Variants in SPPL2A observed in about 807,000 individuals in gnomAD.
SPPL2A encodes the protein signal peptide peptidase like 2A, also known as signal peptide peptidase-like 2A.
In SPPL2A, 51 loss-of-function variants were observed where a neutral mutation model predicts 63.8. The ratio of observed to expected loss-of-function variants is 0.80; its 90% CI spans 0.64 to 1.01. The LOEUF is 1.01. Among genes scored for constraint, SPPL2A ranks in the 50% least tolerant of loss-of-function variants. SPPL2A has a pLI of 0.00. For missense variants in SPPL2A, 553 were observed against 622.7 expected, an observed-to-expected ratio of 0.89 and a Z score of 1.19; for synonymous variants, 188 against 205.8, an observed-to-expected ratio of 0.91 and a Z score of 0.74.
intron 1 of SPPL2A, among the ~76,000 whole-genome samples, chr15:50,756,705 G>A (rs1216272044): frequency 1.3e-5 from 2 of 152,090 alleles, no homozygotes; most frequent in South Asian, 2.1e-4. Context: ...GGGCAACATA[G>A]CCAGACCCCA....
chr15:50,718,122 A>G (rs8027091), intron 14 of SPPL2A, among the ~76,000 whole-genome samples: 46,077 of 151,420 alleles, frequency 0.3, 7,513 homozygotes, highest in East Asian at 0.57. Context: ...CAAGGCACCC[A>G]CCACCACACC....
intron 1 of SPPL2A, among the ~76,000 whole-genome samples, chr15:50,760,214 C>T (rs901743554): frequency 6.6e-6 from 1 of 152,016 alleles, no homozygotes; most frequent in Non-Finnish European, 1.5e-5. Flanking sequence ...TACCTTCTCA[C>T]TGTGTCCTCA....
At chr15:50,751,189 T>C (rs1567165492) in intron 1 of SPPL2A, among the ~76,000 whole-genome samples, 3 of 152,244 alleles carry the variant, frequency 2.0e-5, no homozygotes, top group African/African-American at 4.8e-5. Flanking sequence ...AAGAGAAATG[T>C]AGTTTTCATT....
At chr15:50,737,022 T>G (rs1427389366) in intron 6 of SPPL2A, among the ~76,000 whole-genome samples, 1 of 152,050 alleles carries the variant, frequency 6.6e-6, no homozygotes, top group East Asian at 1.9e-4. Flanking sequence ...CAAGTGATTC[T>G]CATGCCTTAG....
At chr15:50,724,271 G>C (rs1021694534) in intron 12 of SPPL2A, among the ~76,000 whole-genome samples, 1 of 152,062 alleles carries the variant, frequency 6.6e-6, no homozygotes, top group Admixed American at 6.6e-5. Flanking sequence ...TTAGTACATA[G>C]GAAGACTAAG....
At chr15:50,725,141 C>G in intron 12 of SPPL2A, 80 bp downstream of exon 12, 1 of 888,520 alleles carries the variant, frequency 1.1e-6, no homozygotes, top group Non-Finnish European at 1.8e-6. Flanking sequence ...GAGTAGGTAA[C>G]TTTTAACAGA....
intron 1 of SPPL2A, among the ~76,000 whole-genome samples, chr15:50,759,696 T>C (rs111496605): frequency 3.3e-5 from 5 of 151,986 alleles, no homozygotes; most frequent in African/African-American, 7.2e-5. Flanking sequence ...TGAGCCGAGA[T>C]TGCGCCACTG....
At chr15:50,719,870 T>C in intron 14 of SPPL2A, 70 bp downstream of exon 14, 1 of 1,206,966 alleles carries the variant, frequency 8.3e-7, no homozygotes, top group Non-Finnish European at 1.2e-6. Flanking sequence ...ACATATAGGC[T>C]GTTCCCACCC....
At chr15:50,721,475 G>C (rs916279544) in intron 13 of SPPL2A, among the ~76,000 whole-genome samples, 1 of 150,466 alleles carries the variant, frequency 6.6e-6, no homozygotes, top group Admixed American at 6.6e-5. Context: ...CTTTCGCCCA[G>C]GCTATAGTGA....
At position 50,736,688 on chromosome 15, in the gene SPPL2A, G is replaced by C; in HGVS notation, c.786C>G (p.Asn262Lys). ...TCTTATGAATTAGTGCAGCAAGACA[G>C]TTGTACAGACTCATTGCTGATGCTA... is the stretch of plus-strand genomic sequence containing the variant. Reference protein sequence around the residue: ...FCIASAMSLYNCLAALIHKIP... With the variant: ...FCIASAMSLYKCLAALIHKIP... Residue 262 changes from asparagine (N) to lysine (K), a missense_variant, in exon 7 of 15, where the codon AAC (asparagine) becomes AAG (lysine). Transcript: ENST00000261854. 6.2e-7 allele frequency: 1 copy of C among 1,610,336 alleles called. No individual in the cohort carries two copies. Among genetic ancestry groups the C allele is most frequent in the Non-Finnish European group, 8.5e-7 (1 of 1,177,026 alleles).
intron 1 of SPPL2A, among the ~76,000 whole-genome samples, chr15:50,753,630 G>A (rs539413168): frequency 1.3e-4 from 20 of 152,156 alleles, no homozygotes; most frequent in Non-Finnish European, 2.4e-4. Context: ...TGATGCAACT[G>A]TTTATACATA....
chr15:50,751,368 C>T (rs1200518046), intron 1 of SPPL2A, among the ~76,000 whole-genome samples: 1 of 152,156 alleles, frequency 6.6e-6, no homozygotes. Context: ...AAGTCACTAA[C>T]GTAACCTACC....
At position 50,706,346 on chromosome 15, in the gene SPPL2A, C is replaced by T. The variant is rs1455103375; in HGVS notation, c.*1454G>A. ...CGGAGCTTGCAGTGAGCCGAGATCC[C>T]GCCACTGCACTCCAGCCTGGGCGAC... On this transcript the variant is annotated 3_prime_UTR_variant, in exon 15 of 15. Coordinates refer to ENST00000261854, the MANE Select transcript of SPPL2A (RefSeq NM_032802.4). 6.9e-6 allele frequency: 1 copy of T among 144,102 alleles called. No homozygotes were observed. The highest frequency in any genetic ancestry group is 1.5e-5 in the Non-Finnish European group (1 of 66,312). The allele number at this position is 144,102 out of a possible 1,614,324, so 8.9% of individuals were successfully genotyped here. A position where few individuals can be genotyped will look rare whatever the true frequency, so the allele number is the denominator to read the frequency against.
intron 5 of SPPL2A, chr15:50,743,337 G>A (rs1002992680): frequency 6.6e-6 from 1 of 152,128 alleles, no homozygotes. Context: ...TGAATTTGTA[G>A]TTTATTATTC....
At chr15:50,736,968 G>T (rs142051031) in intron 6 of SPPL2A, among the ~76,000 whole-genome samples, 2,380 of 151,596 alleles carry the variant, frequency 0.016, 23 homozygotes, top group Non-Finnish European at 0.024. Context: ...CTGGAATGCA[G>T]TGGTGTAATC....
intron 13 of SPPL2A, 133 bp downstream of exon 13, chr15:50,721,990 TG>T (rs2062650700): frequency 1.7e-6 from 1 of 571,920 alleles, no homozygotes; most frequent in Non-Finnish European, 3.1e-6. Flanking sequence ...CTGCCTGCCT[TG>T]GCCCCCAAAG....
chr15:50,737,826 C>A (rs1219032339), intron 6 of SPPL2A, among the ~76,000 whole-genome samples: 1 of 151,920 alleles, frequency 6.6e-6, no homozygotes, highest in Non-Finnish European at 1.5e-5. Context: ...AATCCCAACA[C>A]TATAGGAGGC....
chr15:50,745,434 G>C (rs1031582895), intron 5 of SPPL2A, among the ~76,000 whole-genome samples: 2 of 152,092 alleles, frequency 1.3e-5, no homozygotes, highest in African/African-American at 4.8e-5. Flanking sequence ...ACAGGCGTGA[G>C]CCACCACATC....
At chr15:50,745,777 A>G (rs12438326) in intron 5 of SPPL2A, among the ~76,000 whole-genome samples, 46,313 of 151,856 alleles carry the variant, frequency 0.3, 7,573 homozygotes, top group East Asian at 0.57. Context: ...TAGGCCGGGC[A>G]CGGTAGCTCA....
Sources: allele counts gnomAD v4.1 joint callset (sites outside exome capture counted in the v4.1 genomes callset), GRCh38; gene constraint gnomAD v4.1.1; transcripts MANE v1.5; gene names NCBI Gene and HGNC (gene_info 2026-07-23, HGNC 2026-07-21).